The following NAPB variants were observed in gnomAD, a reference collection of about 807,000 sequenced individuals.
NAPB encodes the protein beta-soluble NSF attachment protein.
NAPB carries 26 observed loss-of-function variants against 44.7 expected under a neutral mutation model. The observed-to-expected ratio is 0.58, with a 90% confidence interval of 0.43 to 0.81. NAPB has a LOEUF of 0.81. NAPB is among the 30% of genes least tolerant of loss of function. The pLI, the probability that NAPB is intolerant of heterozygous loss-of-function variation, is 0.00. For missense variants in NAPB, 315 were observed against 356.4 expected (o/e 0.88, Z 0.94); for synonymous variants, 120 against 116.8 (o/e 1.03, Z -0.18).
At chr20:23,379,817 TC>T in intron 9 of NAPB, 49 bp downstream of exon 9, 1 of 1,370,646 alleles carries the variant, frequency 7.3e-7, no homozygotes, top group Non-Finnish European at 1.0e-6. Context: ...TTAGGTGTTG[TC>T]ACCTAACAGA....
chr20:23,412,867 G>A (rs761780318), intron 1 of NAPB, among the ~76,000 whole-genome samples: 19 of 152,172 alleles, frequency 1.2e-4, no homozygotes, highest in Non-Finnish European at 2.5e-4. Flanking sequence ...GTGGTGGCGT[G>A]TGCCTGTATT....
At chr20:23,417,820 A>G (rs1986110496) in intron 1 of NAPB, among the ~76,000 whole-genome samples, 1 of 152,054 alleles carries the variant, frequency 6.6e-6, no homozygotes, top group Admixed American at 6.6e-5. Flanking sequence ...GGGGATGGGA[A>G]AGGAATATTG....
chr20:23,417,953 AACAAAAGCTATAG>A (rs1986118425), intron 1 of NAPB, among the ~76,000 whole-genome samples: 2 of 152,350 alleles, frequency 1.3e-5, no homozygotes, highest in Admixed American at 6.5e-5. Context: ...GAAAGCAAGA[AACAAAAGCTATAG>A]AATACTACTA....
intron 1 of NAPB, among the ~76,000 whole-genome samples, chr20:23,420,612 G>C (rs1010837112): frequency 1.3e-5 from 2 of 152,042 alleles, no homozygotes; most frequent in African/African-American, 4.8e-5. Context: ...TCTCAGGAGC[G>C]ATACGGGCTT....
intron 10 of NAPB, among the ~76,000 whole-genome samples, chr20:23,377,963 C>A (rs188108102): frequency 1.3e-5 from 2 of 152,186 alleles, no homozygotes; most frequent in East Asian, 3.9e-4. Flanking sequence ...GGAAAACATT[C>A]CTTTCCTCTA....
intron 1 of NAPB, among the ~76,000 whole-genome samples, chr20:23,420,358 G>T (rs1259858134): frequency 6.6e-6 from 1 of 152,170 alleles, no homozygotes; most frequent in Non-Finnish European, 1.5e-5. Flanking sequence ...TCCGGAGAAG[G>T]AAAAATACTA....
At chr20:23,400,430 C>T (rs936540147) in intron 2 of NAPB, among the ~76,000 whole-genome samples, 2 of 152,056 alleles carry the variant, frequency 1.3e-5, no homozygotes, top group Admixed American at 1.3e-4. Context: ...GCAGGAGAAT[C>T]GCTTAAACTC....
chr20:23,386,013 A>C (rs1021410721), intron 7 of NAPB, among the ~76,000 whole-genome samples: 4 of 152,214 alleles, frequency 2.6e-5, no homozygotes, highest in African/African-American at 9.6e-5. Flanking sequence ...CAACAATAGA[A>C]AGATTACAGA....
chr20:23,400,738 C>T (rs1019636807), intron 2 of NAPB, among the ~76,000 whole-genome samples: 21 of 152,022 alleles, frequency 1.4e-4, no homozygotes, highest in African/African-American at 5.1e-4. Context: ...TGATCATCAC[C>T]AATGCAACAT....
chr20:23,412,745 C>T (rs1256737908), intron 1 of NAPB, among the ~76,000 whole-genome samples: 2 of 152,182 alleles, frequency 1.3e-5, no homozygotes, highest in African/African-American at 2.4e-5. Context: ...ATTACAATCC[C>T]AGCACTTTGG....
intron 5 of NAPB, 42 bp from the exon 6 acceptor site, chr20:23,390,306 G>A (rs1180043590): frequency 6.5e-7 from 1 of 1,528,698 alleles, no homozygotes; most frequent in Non-Finnish European, 9.1e-7. Flanking sequence ...TTTATTTGGA[G>A]AGCTGCATTT....
chr20:23,418,171 A>C (rs555640306), intron 1 of NAPB, among the ~76,000 whole-genome samples: 1 of 152,328 alleles, frequency 6.6e-6, no homozygotes, highest in East Asian at 1.9e-4. Context: ...GTCAGCTCTT[A>C]AATATATGAG....
rs931143892 is a variant in NAPB at position 23,375,396 on chromosome 20, G to T, written c.*1980C>A. On this transcript the variant is annotated 3_prime_UTR_variant, in exon 11 of 11. Transcript: ENST00000377026. ...TTTACTTTAAGTGGTCAGACCAGAA[G>T]ATTCTTTAAACAAGTAGAAACAAAC... 1 of 152,156 alleles carries T rather than the reference G, an allele frequency of 6.6e-6. No homozygotes were observed. Among genetic ancestry groups the T allele is most frequent in the Non-Finnish European group, 1.5e-5 (1 of 68,016 alleles). The allele number at this position is 152,156 out of a possible 1,614,324, so 9.4% of individuals were successfully genotyped here. A position where few individuals can be genotyped will look rare whatever the true frequency, so the allele number is the denominator to read the frequency against.
intron 1 of NAPB, among the ~76,000 whole-genome samples, chr20:23,416,690 T>G (rs1986026627): frequency 6.6e-6 from 1 of 152,240 alleles, no homozygotes; most frequent in Admixed American, 6.5e-5. Context: ...CTGTATCACC[T>G]GTCTCTGTCA....
intron 1 of NAPB, among the ~76,000 whole-genome samples, chr20:23,404,943 C>T (rs1985128135): frequency 3.3e-5 from 5 of 152,172 alleles, no homozygotes. Context: ...AAGGGTGCAG[C>T]CACTTTGGAA....
intron 2 of NAPB, among the ~76,000 whole-genome samples, chr20:23,400,432 C>T (rs1216700658): frequency 6.6e-6 from 1 of 152,122 alleles, no homozygotes; most frequent in African/African-American, 2.4e-5. Context: ...AGGAGAATCG[C>T]TTAAACTCGG....
intron 9 of NAPB, 104 bp from the exon 10 acceptor site, chr20:23,379,599 A>G (rs531113964): frequency 1.7e-4 from 156 of 900,768 alleles, no homozygotes; most frequent in Non-Finnish European, 2.5e-4. Flanking sequence ...ATTGCACAAA[A>G]CTGAGGAAAT....
At chr20:23,396,295 A>T (rs1255662069) in intron 3 of NAPB, among the ~76,000 whole-genome samples, 2 of 152,190 alleles carry the variant, frequency 1.3e-5, no homozygotes, top group African/African-American at 2.4e-5. Context: ...AGCTTATTTA[A>T]CCTGTGTCCA....
At chr20:23,409,398 T>TAA (rs1985488594) in intron 1 of NAPB, among the ~76,000 whole-genome samples, 1 of 152,214 alleles carries the variant, frequency 6.6e-6, no homozygotes, top group African/African-American at 2.4e-5. Context: ...GAAAACTAGT[T>TAA]AGACTTTATT....
Sources: allele counts gnomAD v4.1 joint callset (sites outside exome capture counted in the v4.1 genomes callset), GRCh38; gene constraint gnomAD v4.1.1; transcripts MANE v1.5; gene names NCBI Gene and HGNC (gene_info 2026-07-23, HGNC 2026-07-21).